Variants in PRDM2 observed in about 807,000 individuals in gnomAD.
The protein encoded by PRDM2 is PR/SET domain 2, also known as PR domain zinc finger protein 2.
In PRDM2, 30 loss-of-function variants were observed where a neutral mutation model predicts 130.0. That is an observed-to-expected ratio of 0.23 (90% CI 0.17 to 0.31). The LOEUF is 0.31. Among genes scored for constraint, PRDM2 ranks in the 10% least tolerant of loss-of-function variants. The probability of loss-of-function intolerance (pLI) is 1.00; values close to 1 mark genes in which losing one functional copy is unlikely to be tolerated. For missense variants in PRDM2, 2,011 were observed against 2,108.4 expected (o/e 0.95, Z 0.90); for synonymous variants, 871 against 782.4 (o/e 1.11, Z -1.89).
At chr1:13,807,509 CA>C (rs1324368404) in intron 8 of PRDM2, among the ~76,000 whole-genome samples, 1 of 152,120 alleles carries the variant, frequency 6.6e-6, no homozygotes, top group Non-Finnish European at 1.5e-5. Flanking sequence ...TGGGGAGTAT[CA>C]GGGGGATTTG....
intron 2 of PRDM2, among the ~76,000 whole-genome samples, chr1:13,717,858 A>G (rs931805614): frequency 6.6e-6 from 1 of 152,206 alleles, no homozygotes; most frequent in African/African-American, 2.4e-5. Context: ...TCTGGTAGTA[A>G]TGAAGCTTTT....
chr1:13,728,641 G>A (rs899655663), intron 2 of PRDM2, among the ~76,000 whole-genome samples: 16 of 147,278 alleles, frequency 1.1e-4, no homozygotes, highest in African/African-American at 3.9e-4. Flanking sequence ...TCTGCTGGGT[G>A]TATGAGTCCA....
At chr1:13,730,106 A>G (rs1019367437) in intron 2 of PRDM2, among the ~76,000 whole-genome samples, 5 of 152,206 alleles carry the variant, frequency 3.3e-5, no homozygotes, top group African/African-American at 1.2e-4. Flanking sequence ...GAAATGAAAC[A>G]CACTCAGACT....
chr1:13,729,603 C>T (rs1288961102), intron 2 of PRDM2, among the ~76,000 whole-genome samples: 1 of 152,138 alleles, frequency 6.6e-6, no homozygotes, highest in Non-Finnish European at 1.5e-5. Flanking sequence ...TGAAAAATGT[C>T]TATGGTTAAT....
chr1:13,777,253 C>G (rs1454322328), intron 7 of PRDM2, among the ~76,000 whole-genome samples: 1 of 152,132 alleles, frequency 6.6e-6, no homozygotes, highest in African/African-American at 2.4e-5. Context: ...CTGCTGCCAC[C>G]CCTGTGCCAC....
At position 13,823,614 on chromosome 1, in the gene PRDM2, T is replaced by G; in HGVS notation, c.*479T>G. The G allele has an allele frequency of 6.1e-6, 1 of 163,748 alleles. No individual in the cohort carries two copies. The highest frequency in any genetic ancestry group is 2.4e-5 in the African/African-American group (1 of 41,956). The allele number at this position is 163,748 out of a possible 1,614,324, so 10.1% of individuals were successfully genotyped here. A position where few individuals can be genotyped will look rare whatever the true frequency, so the allele number is the denominator to read the frequency against. On this transcript the variant is annotated 3_prime_UTR_variant, in exon 10 of 10. Coordinates refer to ENST00000311066, the MANE Select transcript of PRDM2 (RefSeq NM_001393986.1). Reference sequence around the variant, plus strand: ...GTTCCCCTTCAGTACCACCCCTCTCTCCCCACCTTCCCTCTCCCGGCAACA... The same window carrying G: ...GTTCCCCTTCAGTACCACCCCTCTCGCCCCACCTTCCCTCTCCCGGCAACA...
chr1:13,728,871 A>G (rs1643011081), intron 2 of PRDM2, among the ~76,000 whole-genome samples: 1 of 152,154 alleles, frequency 6.6e-6, no homozygotes, highest in South Asian at 2.1e-4. Context: ...TACTCAAGTT[A>G]CACATTTCTT....
chr1:13,787,486 A>G, intron 8 of PRDM2: 1 of 985,278 alleles, frequency 1.0e-6, no homozygotes, highest in Non-Finnish European at 1.2e-6. Context: ...TCTCAACTTC[A>G]AAAGTAATCT....
At chr1:13,750,231 T>G (rs149038462) in intron 6 of PRDM2, among the ~76,000 whole-genome samples, 100 of 152,062 alleles carry the variant, frequency 6.6e-4, no homozygotes, top group African/African-American at 2.3e-3. Flanking sequence ...GTATCATATT[T>G]CCAGTGGGCA....
At chr1:13,761,187 G>A (rs1644089241) in intron 6 of PRDM2, among the ~76,000 whole-genome samples, 3 of 152,228 alleles carry the variant, frequency 2.0e-5, no homozygotes, top group South Asian at 2.1e-4. Flanking sequence ...CTGTTTGCTC[G>A]TCTTACCTTT....
In PRDM2 at chr1:13,779,526, T is replaced by C. The variant is rs1557647680; in HGVS notation, c.1731T>C (p.Asn577=). Residue 577 remains asparagine, a synonymous_variant, in exon 8 of 10, where the codon AAT becomes AAC. Transcript: ENST00000311066. This position sits in a 1 kb window ranked among gnomAD's most constrained non-coding sequence, Gnocchi z 4.9. The part of the protein sequence containing the change: ...NYYIDGKIQT[N]NNTSNCDVIE... ...ATATTGATGGTAAAATTCAAACTAATAACAACACTAGTAACTGTGATGTGA... is the reference window on the plus strand; with the variant it reads ...ATATTGATGGTAAAATTCAAACTAACAACAACACTAGTAACTGTGATGTGA... The C allele has an allele frequency of 6.2e-7, 1 of 1,614,128 alleles. No individual in the cohort carries two copies. Among genetic ancestry groups the C allele is most frequent in the Non-Finnish European group, 8.5e-7 (1 of 1,179,972 alleles).
chr1:13,715,960 T>C (rs545585255), intron 2 of PRDM2, among the ~76,000 whole-genome samples: 1 of 152,334 alleles, frequency 6.6e-6, no homozygotes, highest in Admixed American at 6.5e-5. Context: ...TAGCGTTTTT[T>C]ATTTTGTGAT....
intron 6 of PRDM2, among the ~76,000 whole-genome samples, chr1:13,761,281 T>G (rs1644091021): frequency 6.6e-6 from 1 of 152,234 alleles, no homozygotes; most frequent in Admixed American, 6.5e-5. Context: ...TATTAAATTA[T>G]CAGACAGCCC....
rs74849716 is a variant in PRDM2 at position 13,802,396 on chromosome 1, C to T, written c.5037-14031C>T. Among the ~76,000 whole-genome samples the T allele has an allele frequency of 3.2e-3, 494 of 152,228 alleles. 4 individuals are homozygous for T. Among genetic ancestry groups the T allele is most frequent in the African/African-American group, 0.011 (452 of 41,540 alleles). ...TGAGCATCGAGGCAGGAGCAGAGGG[C>T]GCCACAGGGAGCAGCTGCCTCTCAT... On this transcript the variant is annotated intron_variant, in intron 8 of 9. Transcript: ENST00000311066.
chr1:13,798,201 G>A (rs961337245), intron 8 of PRDM2, among the ~76,000 whole-genome samples: 2 of 152,110 alleles, frequency 1.3e-5, no homozygotes, highest in African/African-American at 4.8e-5. Flanking sequence ...AAAAGAAAAA[G>A]AAATCCTCAA....
At chr1:13,775,066 C>T (rs768749067) in intron 7 of PRDM2, among the ~76,000 whole-genome samples, 4 of 152,164 alleles carry the variant, frequency 2.6e-5, no homozygotes, top group African/African-American at 7.2e-5. Context: ...GAATGTTCTG[C>T]GTTGTCCTCA....
Position 13,779,387 on chromosome 1 carries a change from C to T in PRDM2, c.1592C>T (p.Ala531Val), listed in dbSNP as rs1471488590. Residue 531 changes from alanine to valine, a missense_variant, in exon 8 of 10, where the codon GCC becomes GTC. Ala to Val is a moderately conservative substitution (Grantham distance 64). Around this residue, in one of 5 missense-constraint regions of PRDM2, gnomAD observed 1,288 missense variants for 1,237.7 expected, o/e 1.04. Transcript: ENST00000311066. The surrounding 1 kb of genome is among the most constrained non-coding windows in gnomAD (Gnocchi z 4.9). ...GAGCCCCAGCCTCCAGCAGAACAGG[C>T]CCAGGCCACCCAGAACGTGTATGTA... is the stretch of plus-strand genomic sequence containing the variant. ...LEEPQPPAEQ[A>V]QATQNVYVPS... The T allele has an allele frequency of 6.2e-7, 1 of 1,614,090 alleles. No individual in the cohort carries two copies. Among genetic ancestry groups the T allele is most frequent in the Non-Finnish European group, 8.5e-7 (1 of 1,180,014 alleles).
At chr1:13,786,682 G>A in intron 8 of PRDM2, 1 of 1,496,130 alleles carries the variant, frequency 6.7e-7, no homozygotes, top group South Asian at 1.3e-5. Flanking sequence ...ATTGCCGGCA[G>A]GCTTAGAGTC....
intron 5 of PRDM2, among the ~76,000 whole-genome samples, chr1:13,748,869 C>T (rs1262884717): frequency 6.6e-6 from 1 of 152,194 alleles, no homozygotes; most frequent in African/African-American, 2.4e-5. Context: ...AACCGCGGCG[C>T]ATTTGTAAGT....
Sources: allele counts gnomAD v4.1 joint callset (sites outside exome capture counted in the v4.1 genomes callset), GRCh38; gene constraint gnomAD v4.1.1; regional missense constraint gnomAD v4.1.1; non-coding constraint Gnocchi (gnomAD v3.1); transcripts MANE v1.5; gene names NCBI Gene and HGNC (gene_info 2026-07-23, HGNC 2026-07-21).